Variants in CCDC38 observed in about 807,000 individuals in gnomAD.
CCDC38 encodes coiled-coil domain containing 38, also known as coiled-coil domain-containing protein 38.
CCDC38 carries 69 observed loss-of-function variants against 72.8 expected under a neutral mutation model. The observed-to-expected ratio is 0.95, with a 90% CI of 0.78 to 1.16. The LOEUF is 1.16. CCDC38 is among the 50% of genes most tolerant of loss of function. The probability of loss-of-function intolerance (pLI) is 0.00; values close to 1 mark genes in which losing one functional copy is unlikely to be tolerated. For missense variants in CCDC38, 626 were observed against 638.9 expected, an observed-to-expected ratio of 0.98 and a Z score of 0.22; for synonymous variants, 201 against 213.2, an observed-to-expected ratio of 0.94 and a Z score of 0.50.
At chr12:95,912,356 C>T (rs924695179) in intron 4 of CCDC38, among the ~76,000 whole-genome samples, 1 of 152,094 alleles carries the variant, frequency 6.6e-6, no homozygotes, top group Admixed American at 6.6e-5. Flanking sequence ...CATGTATCCC[C>T]TGAATCTAAA....
intron 4 of CCDC38, among the ~76,000 whole-genome samples, chr12:95,909,000 GA>G (rs1288148024): frequency 1.3e-5 from 2 of 152,006 alleles, no homozygotes; most frequent in African/African-American, 4.8e-5. Context: ...AAAATCTCTT[GA>G]TAAGAATGTA....
intron 1 of CCDC38, among the ~76,000 whole-genome samples, chr12:95,938,609 A>G (rs1200122651): frequency 6.6e-6 from 1 of 152,216 alleles, no homozygotes; most frequent in Non-Finnish European, 1.5e-5. Flanking sequence ...TGTAAATGCA[A>G]TCAGCAGTCT....
At position 95,898,163 on chromosome 12, in the gene CCDC38, A is replaced by G. The variant is rs1363229339; in HGVS notation, c.614+222T>C. ...CTTCATCTAACTTCTTTGCTTCTGT[A>G]TCTACAAGTTAGAGAGACTTTCCAA... is the stretch of plus-strand genomic sequence containing the variant. On this transcript the variant is annotated intron_variant, in intron 7 of 15. Transcript: ENST00000344280. Among the ~76,000 whole-genome samples, 10 of 152,236 alleles carry G rather than the reference A, an allele frequency of 6.6e-5. No individual in the cohort carries two copies. The East Asian group carries it at 1.7e-3, about 26-fold the overall frequency.
At chr12:95,941,508 A>C (rs551000929) in intron 1 of CCDC38, among the ~76,000 whole-genome samples, 52 of 152,320 alleles carry the variant, frequency 3.4e-4, no homozygotes, top group Non-Finnish European at 6.5e-4. Context: ...CCCCAAGGTC[A>C]AACAGCTTAT....
chr12:95,878,360 A>G lies in CCDC38; in HGVS notation c.1143-14T>C, dbSNP rs763478326. The stretch of plus-strand genomic sequence containing the variant: ...ATGTTGCTATTTCTATTACAAAAGA[A>G]GAAAGAGACCCTCATCTGAAATTTG... On this transcript the variant is annotated splice_polypyrimidine_tract_variant and intron_variant, in intron 12 of 15. Transcript: ENST00000344280. 3 of 1,606,496 alleles carry G rather than the reference A, an allele frequency of 1.9e-6. No homozygotes were observed. The South Asian group carries it at 3.3e-5, about 18-fold the overall frequency.
intron 1 of CCDC38, among the ~76,000 whole-genome samples, chr12:95,938,254 T>C (rs938961406): frequency 6.6e-6 from 1 of 152,160 alleles, no homozygotes; most frequent in African/African-American, 2.4e-5. Flanking sequence ...CGGTGAAAAA[T>C]TGGTGACAAC....
intron 13 of CCDC38, 34 bp downstream of exon 13, chr12:95,878,176 CA>C: frequency 6.2e-7 from 1 of 1,608,122 alleles, no homozygotes; most frequent in South Asian, 1.1e-5. Context: ...AATCATGAGC[CA>C]AAATGAAATC....
intron 5 of CCDC38, among the ~76,000 whole-genome samples, chr12:95,904,583 T>C (rs1282469834): frequency 6.6e-6 from 1 of 152,236 alleles, no homozygotes; most frequent in African/African-American, 2.4e-5. Flanking sequence ...TAGGAGGTGT[T>C]ATCCTCCCTG....
At chr12:95,883,784 A>G (rs1055272098) in intron 10 of CCDC38, among the ~76,000 whole-genome samples, 1 of 152,208 alleles carries the variant, frequency 6.6e-6, no homozygotes, top group Non-Finnish European at 1.5e-5. Flanking sequence ...TTGTTGAATG[A>G]ATGGATGAGA....
chr12:95,907,352 C>G (rs1253312734), intron 4 of CCDC38, among the ~76,000 whole-genome samples: 1 of 139,290 alleles, frequency 7.2e-6, no homozygotes, highest in Non-Finnish European at 1.6e-5. Flanking sequence ...ACCTCCCAGA[C>G]GGGGTGGTGG....
At chr12:95,926,678 T>C (rs897286956) in intron 2 of CCDC38, among the ~76,000 whole-genome samples, 1 of 151,814 alleles carries the variant, frequency 6.6e-6, no homozygotes, top group Non-Finnish European at 1.5e-5. Flanking sequence ...TGTGGGCATT[T>C]AGTGCTATAA....
rs1440102229 is a variant in CCDC38 at position 95,878,351 on chromosome 12, T to C, written c.1143-5A>G. The C allele has an allele frequency of 6.2e-7, 1 of 1,607,430 alleles. No individual in the cohort carries two copies. Among genetic ancestry groups the C allele is most frequent in the Admixed American group, 1.7e-5 (1 of 58,396 alleles). ...AGAAACTCTATGTTGCTATTTCTAT[T>C]ACAAAAGAAGAAAGAGACCCTCATC... On this transcript the variant is annotated splice_polypyrimidine_tract_variant and splice_region_variant and intron_variant, in intron 12 of 15. Transcript: ENST00000344280.
intron 8 of CCDC38, among the ~76,000 whole-genome samples, chr12:95,894,401 T>A (rs1592770692): frequency 6.6e-6 from 1 of 152,338 alleles, no homozygotes; most frequent in East Asian, 1.9e-4. Flanking sequence ...CATATATTTT[T>A]ATTGCTTTAT....
intron 2 of CCDC38, among the ~76,000 whole-genome samples, chr12:95,931,436 G>T (rs2080338296): frequency 6.6e-6 from 1 of 152,166 alleles, no homozygotes; most frequent in African/African-American, 2.4e-5. Flanking sequence ...GTATTTACAG[G>T]TTCCAGGGAT....
chr12:95,878,416 T>G, intron 12 of CCDC38, 70 bp from the exon 13 acceptor site: 1 of 1,450,076 alleles, frequency 6.9e-7, no homozygotes, highest in Non-Finnish European at 9.5e-7. Flanking sequence ...AGTCAGGAGC[T>G]TTAACACTCT....
rs367571894 is a variant in CCDC38, at chr12:95,940,480, T to C, written c.-15+1951A>G. On this transcript the variant is annotated intron_variant, in intron 1 of 15. Coordinates refer to ENST00000344280, the MANE Select transcript of CCDC38 (RefSeq NM_182496.3). Reference sequence around the variant, plus strand: ...CCCTCTAAAACCCAATGAAAACGAATTTCCAGATGATCTCAATGTGAGATA... The same window carrying C: ...CCCTCTAAAACCCAATGAAAACGAACTTCCAGATGATCTCAATGTGAGATA... Among the ~76,000 whole-genome samples the C allele has an allele frequency of 9.1e-4, 139 of 152,320 alleles. 3 individuals carry two copies. The South Asian group carries it at 0.022, about 24-fold the overall frequency.
At chr12:95,926,199 A>G (rs1286196680) in intron 2 of CCDC38, among the ~76,000 whole-genome samples, 1 of 148,456 alleles carries the variant, frequency 6.7e-6, no homozygotes, top group African/African-American at 2.5e-5. Flanking sequence ...TAAGCTATTG[A>G]TTATTGCCAC....
Position 95,922,596 on chromosome 12 carries a change from G to A in CCDC38, c.38-3620C>T, listed in dbSNP as rs534337688. Reference sequence around the variant, plus strand: ...ATTGATAGAGGAACTAGCCAGGCCGGGAGAGTTTCCTGCTAGGTGGACGTC... The same window carrying A: ...ATTGATAGAGGAACTAGCCAGGCCGAGAGAGTTTCCTGCTAGGTGGACGTC... On this transcript the variant is annotated intron_variant, in intron 2 of 15. Transcript: ENST00000344280. Among the ~76,000 whole-genome samples, 14 of 152,328 alleles carry A rather than the reference G, an allele frequency of 9.2e-5. No homozygotes were observed. In the South Asian group the frequency reaches 2.9e-3, roughly 32 times the overall value.
At position 95,890,831 on chromosome 12, in the gene CCDC38, C is replaced by A. The variant is rs1017610954; in HGVS notation, c.871+1G>T. 6 of 1,577,664 alleles carry A rather than the reference C, an allele frequency of 3.8e-6. No homozygotes were observed. The highest frequency in any genetic ancestry group is 5.2e-6 in the Non-Finnish European group (6 of 1,149,834). On this transcript the variant is annotated splice_donor_variant, in intron 9 of 15. Coordinates refer to ENST00000344280, the MANE Select transcript of CCDC38 (RefSeq NM_182496.3). LOFTEE classifies it high-confidence loss of function. ...TTCATGAGTCCCAAATCTACCTTTACCTTGGCTGTCTCTTCCCTGAGAAGC... is the reference window on the plus strand; with the variant it reads ...TTCATGAGTCCCAAATCTACCTTTAACTTGGCTGTCTCTTCCCTGAGAAGC...
Sources: allele counts gnomAD v4.1 joint callset (sites outside exome capture counted in the v4.1 genomes callset), GRCh38; gene constraint gnomAD v4.1.1; transcripts MANE v1.5; gene names NCBI Gene and HGNC (gene_info 2026-07-23, HGNC 2026-07-21).